The following RBFOX2 variants were observed in gnomAD, a reference collection of about 807,000 sequenced individuals.
RBFOX2 encodes RNA binding fox-1 homolog 2, also known as RNA binding protein fox-1 homolog 2.
In RBFOX2, 10 loss-of-function variants were observed where a neutral mutation model predicts 49.1. That is an observed-to-expected ratio of 0.20 (90% CI 0.13 to 0.35). RBFOX2 has a LOEUF of 0.35. Among genes scored for constraint, RBFOX2 ranks in the 10% least tolerant of loss-of-function variants. RBFOX2 has a pLI of 1.00. For synonymous variants in RBFOX2, 183 were observed against 187.4 expected, an observed-to-expected ratio of 0.98 and a Z score of 0.19; for missense variants, 323 against 486.9, an observed-to-expected ratio of 0.66 and a Z score of 3.17.
intron 1 of RBFOX2, among the ~76,000 whole-genome samples, chr22:36,026,842 G>A (rs1170603744): frequency 6.6e-6 from 1 of 152,176 alleles, no homozygotes; most frequent in Non-Finnish European, 1.5e-5. Context: ...AGACCAAGAA[G>A]CATACAACAA....
upstream of RBFOX2, chr22:35,938,997 G>A (rs951792695): frequency 4.9e-5 from 58 of 1,175,622 alleles, no homozygotes; most frequent in Non-Finnish European, 7.4e-5. Flanking sequence ...TCCTGCCCTG[G>A]TTCCTAAAAT....
intron 2 of RBFOX2, 58 bp downstream of exon 3, chr22:35,809,722 G>A (rs955796748): frequency 4.3e-5 from 66 of 1,549,538 alleles, no homozygotes; most frequent in Admixed American, 1.7e-4. Flanking sequence ...TAATTAAGGC[G>A]ACAATTTCTA....
Position 35,956,505 on chromosome 22 carries a change from G to C in RBFOX2, c.42+5058C>G, listed in dbSNP as rs560823287. Among the ~76,000 whole-genome samples, 118 of 152,134 alleles carry C rather than the reference G, an allele frequency of 7.8e-4. No homozygotes were observed. In the South Asian group the frequency reaches 8.3e-3, roughly 11 times the overall value. On this transcript the variant is annotated intron_variant, in intron 1 of 5. Transcript: ENST00000408983. ...GCCTCCCAGGTAGCTGGGACTACAG[G>C]CACATGCCAGCACACCCGGCTAATT...
intron 1 of RBFOX2, among the ~76,000 whole-genome samples, chr22:35,829,891 A>G (rs1405266420): frequency 3.9e-5 from 6 of 152,032 alleles, no homozygotes; most frequent in African/African-American, 1.2e-4. Flanking sequence ...CCAGGAGGCT[A>G]GAGCTCCTAT....
chr22:35,990,261 G>A (rs577388891), intron 1 of RBFOX2, among the ~76,000 whole-genome samples: 18 of 152,252 alleles, frequency 1.2e-4, no homozygotes, highest in Admixed American at 1.1e-3. Flanking sequence ...TTGGATATTA[G>A]GAAGGCAGAG....
At chr22:35,871,642 A>G (rs974681900) in intron 1 of RBFOX2, among the ~76,000 whole-genome samples, 1 of 152,212 alleles carries the variant, frequency 6.6e-6, no homozygotes, top group Non-Finnish European at 1.5e-5. Context: ...TCCTAGCCAC[A>G]TGGAAAGGAA....
chr22:35,831,440 AAAT>A (rs950287856), intron 1 of RBFOX2, among the ~76,000 whole-genome samples: 2 of 152,214 alleles, frequency 1.3e-5, no homozygotes, highest in Non-Finnish European at 1.5e-5. Context: ...CTCAAAAAAA[AAAT>A]AATAATAAAT....
chr22:35,756,066 A>G (rs1197995770), intron 9 of RBFOX2, 39 bp downstream of exon 11: 7 of 1,305,218 alleles, frequency 5.4e-6, no homozygotes, highest in Non-Finnish European at 6.9e-6. Context: ...CTGGCTTGTC[A>G]GGGGATGGGG....
At chr22:35,858,177 A>G (rs2042712204) in intron 1 of RBFOX2, among the ~76,000 whole-genome samples, 1 of 152,248 alleles carries the variant, frequency 6.6e-6, no homozygotes, top group African/African-American at 2.4e-5. Context: ...CAAACTTTCT[A>G]TTGGGATACT....
At chr22:36,003,527 C>G (rs2058507984) in intron 1 of RBFOX2, among the ~76,000 whole-genome samples, 1 of 152,146 alleles carries the variant, frequency 6.6e-6, no homozygotes. Context: ...CTGGGTACCT[C>G]TAGGAAAAGA....
At chr22:35,779,936 C>A (rs2076415874) in intron 3 of RBFOX2, among the ~76,000 whole-genome samples, 1 of 152,140 alleles carries the variant, frequency 6.6e-6, no homozygotes, top group African/African-American at 2.4e-5. Flanking sequence ...CAAGAGAAAA[C>A]ACACTTCTGG....
At chr22:35,983,387 G>A (rs2057552565) in intron 1 of RBFOX2, among the ~76,000 whole-genome samples, 1 of 152,138 alleles carries the variant, frequency 6.6e-6, no homozygotes, top group East Asian at 1.9e-4. Flanking sequence ...AGACAGGAAA[G>A]GGATATAGTA....
chr22:35,809,878 C>A (rs759241446), exon 2 of RBFOX2: 1 of 1,613,984 alleles, frequency 6.2e-7, no homozygotes, highest in Non-Finnish European at 8.5e-7. Context: ...CCGGTCTGGC[C>A]GGCATAGTCT....
Position 35,929,280 on chromosome 22 carries a change from C to T in RBFOX2, c.-34+9567G>A, listed in dbSNP as rs115853694. ...TTACAGGCATGAGCCACCACACTGG[C>T]TTATTTCTCTTAAAAAGAAGAAATT... On this transcript the variant is annotated intron_variant, in intron 1 of 13. Coordinates refer to the RBFOX2 transcript ENST00000359369. Among the ~76,000 whole-genome samples, 396 of 151,976 alleles carry T rather than the reference C, an allele frequency of 2.6e-3. 4 individuals are homozygous for T. Among genetic ancestry groups the T allele is most frequent in the African/African-American group, 9.3e-3 (387 of 41,490 alleles).
At chr22:35,997,154 C>T (rs567927304) in intron 1 of RBFOX2, 2 of 152,370 alleles carry the variant, frequency 1.3e-5, no homozygotes, top group South Asian at 2.1e-4. Context: ...CACACCCAGA[C>T]ATCCACCCTT....
At chr22:35,833,680 A>G (rs1181350754) in intron 1 of RBFOX2, among the ~76,000 whole-genome samples, 1 of 152,224 alleles carries the variant, frequency 6.6e-6, no homozygotes, top group East Asian at 1.9e-4. Context: ...GTAGGTATAA[A>G]AAAACAAAAA....
intron 1 of RBFOX2, among the ~76,000 whole-genome samples, chr22:35,850,229 C>CAT (rs2041777226): frequency 1.3e-5 from 2 of 151,500 alleles, no homozygotes; most frequent in Admixed American, 1.3e-4. Context: ...CACACACACA[C>CAT]ACACACCCTT....
At chr22:35,906,521 C>CTT (rs1344169080) in intron 1 of RBFOX2, among the ~76,000 whole-genome samples, 1 of 152,122 alleles carries the variant, frequency 6.6e-6, no homozygotes, top group Non-Finnish European at 1.5e-5. Context: ...TTTATTCTTA[C>CTT]TTAAAACCTC....
At chr22:35,939,483 T>C (rs1218425659), upstream of RBFOX2, among the ~76,000 whole-genome samples, 2 of 152,336 alleles carry the variant, frequency 1.3e-5, no homozygotes, top group East Asian at 3.9e-4. Context: ...GGATGAAATC[T>C]GACCTCTGTT....
Sources: allele counts gnomAD v4.1 joint callset (sites outside exome capture counted in the v4.1 genomes callset), GRCh38; gene constraint gnomAD v4.1.1; transcripts MANE v1.5; gene names NCBI Gene and HGNC (gene_info 2026-07-23, HGNC 2026-07-21).